SLC30A9: variants seen among roughly 807,000 people sequenced by gnomAD.
SLC30A9 encodes solute carrier family 30 member 9, also known as proton-coupled zinc antiporter SLC30A9, mitochondrial.
A neutral mutation model predicts 87.5 loss-of-function variants in SLC30A9; 58 were observed. The observed-to-expected ratio is 0.66, with a 90% CI of 0.54 to 0.82. SLC30A9 has a LOEUF of 0.82. SLC30A9 is among the 40% of genes least tolerant of loss of function. SLC30A9 has a pLI of 0.00. For synonymous variants in SLC30A9, 234 were observed against 233.0 expected (o/e 1.00, Z -0.04); for missense variants, 557 against 679.1 (o/e 0.82, Z 2.00).
At chr4:42,028,582 A>C (rs1399159502) in intron 6 of SLC30A9, among the ~76,000 whole-genome samples, 1 of 152,264 alleles carries the variant, frequency 6.6e-6, no homozygotes, top group Non-Finnish European at 1.5e-5. Flanking sequence ...TAAGATATTT[A>C]AAGCCTTTTC....
At chr4:42,030,221 A>G in intron 6 of SLC30A9, 1 of 288,400 alleles carries the variant, frequency 3.5e-6, no homozygotes, top group Non-Finnish European at 6.3e-6. Flanking sequence ...TATGGGACCT[A>G]CACTTAAAGC....
rs12511999 is a variant in SLC30A9 at position 42,089,240 on chromosome 4, C to T, written c.*3114C>T. 0.6 allele frequency: 91,619 copies of T among 151,972 alleles called. 32,987 individuals are homozygous for T. The highest frequency in any genetic ancestry group is 0.95 in the East Asian group (4,929 of 5,162). 9.4% of individuals were successfully genotyped at this position (151,972 alleles called of 1,614,324 possible). A position where few individuals can be genotyped will look rare whatever the true frequency, so the allele number is the denominator to read the frequency against. ...TGGTCCCTGACTTATAATGGTTGCA[C>T]TTAAGAATTTTTATGATGGGTTTAT... On this transcript the variant is annotated 3_prime_UTR_variant, in exon 18 of 18. Transcript: ENST00000264451.
At chr4:42,069,394 T>G (rs1718216000) in intron 14 of SLC30A9, among the ~76,000 whole-genome samples, 1 of 152,174 alleles carries the variant, frequency 6.6e-6, no homozygotes, top group Non-Finnish European at 1.5e-5. Flanking sequence ...CTGTAATTTC[T>G]TTAAGAGTAC....
At chr4:42,038,931 A>C in intron 7 of SLC30A9, 55 bp from the exon 8 acceptor site, 1 of 1,252,990 alleles carries the variant, frequency 8.0e-7, no homozygotes, top group Non-Finnish European at 1.2e-6. Flanking sequence ...CACCAGTTAC[A>C]GTGCTTCTCT....
Position 42,089,184 on chromosome 4 carries a change from A to T in SLC30A9, c.*3058A>T, listed in dbSNP as rs1719021955. 6.6e-6 allele frequency: 1 copy of T among 152,176 alleles called. No individual in the cohort carries two copies. Among genetic ancestry groups the T allele is most frequent in the Admixed American group, 6.5e-5 (1 of 15,274 alleles). The allele number at this position is 152,176 out of a possible 1,614,324, so 9.4% of individuals were successfully genotyped here. On this transcript the variant is annotated 3_prime_UTR_variant, in exon 18 of 18. Transcript: ENST00000264451. The stretch of plus-strand genomic sequence containing the variant: ...TGATTCCTTCTTGCCCAAAACTAAA[A>T]TCTAGGATTTATCAAAGGTGAGGTA...
chr4:42,041,220 TGA>T (rs1165023744), intron 8 of SLC30A9, among the ~76,000 whole-genome samples: 1 of 151,974 alleles, frequency 6.6e-6, no homozygotes, highest in Non-Finnish European at 1.5e-5. Context: ...AGCTACAAGA[TGA>T]GATTTTGTGG....
intron 14 of SLC30A9, chr4:42,070,217 C>G (rs1244303189): frequency 9.4e-6 from 2 of 212,326 alleles, no homozygotes; most frequent in Non-Finnish European, 1.9e-5. Flanking sequence ...AAGAAATGGA[C>G]TCTTCATTAT....
chr4:42,074,959 A>G (rs1295461091), intron 15 of SLC30A9, among the ~76,000 whole-genome samples: 1 of 144,948 alleles, frequency 6.9e-6, no homozygotes, highest in Admixed American at 7.0e-5. Context: ...ATAAGTAGAT[A>G]TATGGAGACA....
chr4:42,069,972 T>G (rs1029931443), intron 14 of SLC30A9, among the ~76,000 whole-genome samples: 1 of 152,172 alleles, frequency 6.6e-6, no homozygotes, highest in African/African-American at 2.4e-5. Context: ...AGCACCACCT[T>G]GAGGCACCTA....
At chr4:42,005,581 C>T (rs898802033) in intron 2 of SLC30A9, among the ~76,000 whole-genome samples, 1 of 152,194 alleles carries the variant, frequency 6.6e-6, no homozygotes, top group Non-Finnish European at 1.5e-5. Flanking sequence ...ATTCTCTGGT[C>T]TTCCATGCCC....
At chr4:42,010,811 A>G (rs968399751) in intron 2 of SLC30A9, among the ~76,000 whole-genome samples, 3 of 152,164 alleles carry the variant, frequency 2.0e-5, no homozygotes, top group Non-Finnish European at 4.4e-5. Context: ...TAGTTGGACT[A>G]AAAAAAGACA....
intron 9 of SLC30A9, among the ~76,000 whole-genome samples, 159 bp downstream of exon 9, chr4:42,049,638 C>A (rs1577708354): frequency 6.6e-6 from 1 of 152,220 alleles, no homozygotes; most frequent in African/African-American, 2.4e-5. Context: ...GAAATTTAAT[C>A]ATAGTATTTT....
chr4:42,028,005 A>G (rs905450398), intron 6 of SLC30A9, among the ~76,000 whole-genome samples: 3 of 152,370 alleles, frequency 2.0e-5, no homozygotes, highest in South Asian at 2.1e-4. Flanking sequence ...TTGGCTCTTG[A>G]TAAGTTGACC....
chr4:42,071,674 TC>T (rs1234947764), intron 15 of SLC30A9, among the ~76,000 whole-genome samples: 3 of 69,342 alleles, frequency 4.3e-5, no homozygotes, highest in African/African-American at 9.9e-5. Context: ...AAACCCTGTC[TC>T]AAAAAAAAAA....
rs990169858 is a variant in SLC30A9, at chr4:41,994,754, G to C, written c.109+3994G>C. Among the ~76,000 whole-genome samples, 27 of 150,780 alleles carry C rather than the reference G, an allele frequency of 1.8e-4. 1 individual carries two copies. The highest frequency in any genetic ancestry group is 5.6e-4 in the African/African-American group (23 of 40,978). On this transcript the variant is annotated intron_variant, in intron 1 of 17. Transcript: ENST00000264451. ...AATACAAAAATTAGCTAGGCATGGT[G>C]GTGGGCGCCTGTAATGACAGCTACT...
intron 9 of SLC30A9, among the ~76,000 whole-genome samples, chr4:42,057,110 A>G (rs984687559): frequency 6.6e-6 from 1 of 152,188 alleles, no homozygotes; most frequent in Admixed American, 6.5e-5. Flanking sequence ...AGGGGCTGGC[A>G]TTGAGTGTCT....
intron 8 of SLC30A9, among the ~76,000 whole-genome samples, chr4:42,039,461 C>G (rs2153137434): frequency 6.6e-6 from 1 of 150,546 alleles, no homozygotes; most frequent in African/African-American, 2.4e-5. Context: ...TTATTTTTGC[C>G]TCCTCTTTTT....
chr4:42,084,252 A>G (rs1327763002), intron 17 of SLC30A9, among the ~76,000 whole-genome samples: 1 of 152,172 alleles, frequency 6.6e-6, no homozygotes, highest in Non-Finnish European at 1.5e-5. Context: ...ACCATTTTTA[A>G]TACTTTTAGT....
At position 42,070,686 on chromosome 4, in the gene SLC30A9, A is replaced by G; in HGVS notation, c.1413A>G (p.Ser471=). Residue 471 remains serine, a synonymous_variant, in exon 15 of 18, where the codon TCA becomes TCG. Coordinates refer to ENST00000264451, the MANE Select transcript of SLC30A9 (RefSeq NM_006345.4). ...CTGAACTCCTGGAGAATGACCCATC[A>G]GTAAGGTCAGCCTTATTCCAGTAAT... ...RLTELLENDP[S]VRAIHDVKAT... 3 of 1,613,472 alleles carry G rather than the reference A, an allele frequency of 1.9e-6. No homozygotes were observed. The highest frequency in any genetic ancestry group is 2.5e-6 in the Non-Finnish European group (3 of 1,179,568).
Sources: gnomAD v4.1 joint callset for allele counts (sites outside exome capture counted in the v4.1 genomes callset) on GRCh38, gnomAD v4.1.1 for gene constraint, MANE v1.5 for transcripts, NCBI Gene and HGNC (gene_info 2026-07-23, HGNC 2026-07-21) for gene names.